The following HTR2C variants were observed in gnomAD, a reference collection of about 807,000 sequenced individuals.
HTR2C encodes 5-hydroxytryptamine receptor 2C.
In HTR2C, 5 loss-of-function variants were observed where a neutral mutation model predicts 21.0. The ratio of observed to expected loss-of-function variants is 0.24; its 90% CI spans 0.12 to 0.50. The LOEUF is 0.50. HTR2C is among the 20% of genes least tolerant of loss of function. The pLI, the probability that HTR2C is intolerant of heterozygous loss-of-function variation, is 0.98. For missense variants in HTR2C, 271 were observed against 371.2 expected (o/e 0.73, Z 2.22); for synonymous variants, 150 against 145.3 (o/e 1.03, Z -0.23).
At chrX:114,642,034 T>C (rs1930155027) in intron 2 of HTR2C, among the ~76,000 whole-genome samples, 1 of 111,979 alleles carries the variant, frequency 8.9e-6, no homozygotes, top group African/African-American at 3.3e-5. Context: ...CTGAAGATAA[T>C]GGCTTCCAGC....
chrX:114,612,761 T>C (rs1928789334), intron 1 of HTR2C, among the ~76,000 whole-genome samples: 1 of 110,767 alleles, frequency 9.0e-6, no homozygotes, highest in African/African-American at 3.3e-5. Flanking sequence ...TTACCTGCTA[T>C]AGGAATGGGG....
chrX:114,625,818 A>G (rs1240846350), intron 2 of HTR2C, among the ~76,000 whole-genome samples: 2 of 110,856 alleles, frequency 1.8e-5, no homozygotes, highest in Non-Finnish European at 3.8e-5. Context: ...AAAGCTTGGA[A>G]ACCAATGAGT....
intron 2 of HTR2C, among the ~76,000 whole-genome samples, chrX:114,636,912 A>G (rs968443666): frequency 8.9e-6 from 1 of 112,236 alleles, no homozygotes; most frequent in African/African-American, 3.2e-5. Flanking sequence ...TCCAGATTGC[A>G]CTTTTACACA....
intron 5 of HTR2C, among the ~76,000 whole-genome samples, chrX:114,876,421 TC>T (rs1372303324): frequency 9.1e-5 from 4 of 44,075 alleles, no homozygotes; most frequent in Non-Finnish European, 1.7e-4. Context: ...TCTTTTTCTT[TC>T]TTTTTTTTTT....
intron 4 of HTR2C, among the ~76,000 whole-genome samples, chrX:114,839,392 C>G (rs1426261980): frequency 3.6e-5 from 4 of 112,027 alleles, no homozygotes; most frequent in Admixed American, 9.5e-5. Flanking sequence ...ATAAAAAAAT[C>G]TTTAGTTTTT....
chrX:114,836,369 G>T (rs1263234315), intron 4 of HTR2C, among the ~76,000 whole-genome samples: 2 of 111,902 alleles, frequency 1.8e-5, no homozygotes, highest in Non-Finnish European at 1.9e-5. Flanking sequence ...CTCCGTGGGC[G>T]TAGGACCCTC....
At chrX:114,770,143 C>G (rs1556436744) in intron 4 of HTR2C, among the ~76,000 whole-genome samples, 1 of 111,465 alleles carries the variant, frequency 9.0e-6, no homozygotes, top group Non-Finnish European at 1.9e-5. Flanking sequence ...CCAGAATTTG[C>G]TCTTTGTCAT....
At chrX:114,604,649 G>A (rs1456065570) in intron 1 of HTR2C, among the ~76,000 whole-genome samples, 1 of 111,159 alleles carries the variant, frequency 9.0e-6, no homozygotes, top group Admixed American at 9.5e-5. Context: ...ATGGCTGCCA[G>A]GTGAGTTAAA....
rs59731112 is a variant in HTR2C, at chrX:114,903,555, C to T, written c.551-3034C>T. Among the ~76,000 whole-genome samples, 625 of 112,305 alleles carry T rather than the reference C, an allele frequency of 5.6e-3. 4 individuals are homozygous for T. Among genetic ancestry groups the T allele is most frequent in the African/African-American group, 0.019 (601 of 30,978 alleles). ...CTCATCTACCCAATAACAGCTTCAG[C>T]TTATCTACAGTGACTTTGCTACCCT... is the stretch of plus-strand genomic sequence containing the variant. On this transcript the variant is annotated intron_variant, in intron 5 of 5. Coordinates refer to ENST00000276198, the MANE Select transcript of HTR2C (RefSeq NM_000868.4).
chrX:114,811,459 T>A (rs2070531374), intron 4 of HTR2C, among the ~76,000 whole-genome samples: 1 of 112,426 alleles, frequency 8.9e-6, no homozygotes, highest in Non-Finnish European at 1.9e-5. Flanking sequence ...AACATATAGA[T>A]GTCACATATG....
At chrX:114,763,973 G>C (rs972570724) in intron 4 of HTR2C, among the ~76,000 whole-genome samples, 5 of 111,575 alleles carry the variant, frequency 4.5e-5, no homozygotes, top group Non-Finnish European at 3.8e-5. Flanking sequence ...AAGAATAATG[G>C]TATCAGTATA....
At chrX:114,784,832 G>C (rs934327775) in intron 4 of HTR2C, among the ~76,000 whole-genome samples, 1 of 109,995 alleles carries the variant, frequency 9.1e-6, no homozygotes, top group African/African-American at 3.3e-5. Context: ...CGTTAGCCAG[G>C]ATGATCTCGA....
rs1206825051 is a variant in HTR2C, at chrX:114,724,650, G to A, written c.-79-2208G>A. Among the ~76,000 whole-genome samples, 3 of 100,495 alleles carry A rather than the reference G, an allele frequency of 3.0e-5. No homozygotes were observed. The East Asian group carries it at 9.8e-4, about 33-fold the overall frequency. 87.3% of individuals were successfully genotyped at this position (100,495 alleles called of 115,157 possible). A position where few individuals can be genotyped will look rare whatever the true frequency, so the allele number is the denominator to read the frequency against. ...ATTTGGCATGATTTTGCAATGGCTG[G>A]TACCACTTGTTCCTTTCCATGTTTA... is the stretch of plus-strand genomic sequence containing the variant. On this transcript the variant is annotated intron_variant, in intron 2 of 5. Coordinates refer to ENST00000276198, the MANE Select transcript of HTR2C (RefSeq NM_000868.4).
intron 4 of HTR2C, among the ~76,000 whole-genome samples, chrX:114,734,155 C>T (rs782273884): frequency 1.7e-4 from 19 of 110,378 alleles, no homozygotes; most frequent in Non-Finnish European, 1.5e-4. Flanking sequence ...AAGCACCCAA[C>T]GAAGAATTGA....
At chrX:114,635,867 T>C (rs1556405132) in intron 2 of HTR2C, among the ~76,000 whole-genome samples, 1 of 111,681 alleles carries the variant, frequency 9.0e-6, no homozygotes. Context: ...TTGAAACTTT[T>C]TTCTTGCAAG....
chrX:114,833,269 G>T (rs1461074955), intron 4 of HTR2C, among the ~76,000 whole-genome samples: 15 of 101,798 alleles, frequency 1.5e-4, no homozygotes, highest in Admixed American at 1.1e-3. Flanking sequence ...AATTTCAGAA[G>T]GAATGGTACC....
chrX:114,880,697 G>A (rs1442250926), intron 5 of HTR2C, among the ~76,000 whole-genome samples: 5 of 111,294 alleles, frequency 4.5e-5, no homozygotes, highest in Non-Finnish European at 7.6e-5. Context: ...AGTCTTACGT[G>A]ATTGGCATAT....
chrX:114,693,056 GT>G (rs1196988306), intron 2 of HTR2C, among the ~76,000 whole-genome samples: 1 of 111,511 alleles, frequency 9.0e-6, no homozygotes, highest in African/African-American at 3.3e-5. Flanking sequence ...ATAGCAACCA[GT>G]TTTTTTATGT....
At chrX:114,745,561 C>T (rs147581654) in intron 4 of HTR2C, among the ~76,000 whole-genome samples, 1,380 of 111,730 alleles carry the variant, frequency 0.012, 6 homozygotes, top group Non-Finnish European at 0.02. Context: ...TAAATGTCCA[C>T]CAACAGATGA....
Sources: gnomAD v4.1 joint callset for allele counts (sites outside exome capture counted in the v4.1 genomes callset) on GRCh38, gnomAD v4.1.1 for gene constraint, MANE v1.5 for transcripts, NCBI Gene and HGNC (gene_info 2026-07-23, HGNC 2026-07-21) for gene names.